HTT: variants seen among roughly 807,000 people sequenced by gnomAD.
HTT encodes huntingtin, also known as huntington disease protein.
A neutral mutation model predicts 362.3 loss-of-function variants in HTT; 104 were observed. The ratio of observed to expected loss-of-function variants is 0.29; its 90% confidence interval spans 0.24 to 0.34. The LOEUF is 0.34. Among genes scored for constraint, HTT ranks in the 10% least tolerant of loss-of-function variants. The pLI is 1.00. For missense variants in HTT, 3,301 were observed against 3,928.6 expected, an observed-to-expected ratio of 0.84 and a Z score of 4.27; for synonymous variants, 1,577 against 1,548.7, an observed-to-expected ratio of 1.02 and a Z score of -0.43.
chr4:3,145,869 A>T (rs1716573689), intron 24 of HTT, among the ~76,000 whole-genome samples: 1 of 152,194 alleles, frequency 6.6e-6, no homozygotes, highest in South Asian at 2.1e-4. Flanking sequence ...CTCTAGAATG[A>T]TTGCTTTCCC....
intron 33 of HTT, among the ~76,000 whole-genome samples, chr4:3,176,138 C>G (rs1278931862): frequency 6.6e-6 from 1 of 151,542 alleles, no homozygotes; most frequent in Non-Finnish European, 1.5e-5. Flanking sequence ...CGCCATTCTC[C>G]TGCCTCAGCC....
At chr4:3,115,944 C>T (rs748240614) in intron 7 of HTT, 141 bp from the exon 8 acceptor site, 2 of 754,404 alleles carry the variant, frequency 2.7e-6, no homozygotes, top group African/African-American at 1.7e-5. Context: ...TAGCCATTCC[C>T]AGTGGGCCTC....
intron 55 of HTT, 86 bp from the exon 56 acceptor site, chr4:3,223,906 G>A (rs1720790946): frequency 2.8e-6 from 4 of 1,443,438 alleles, no homozygotes; most frequent in Middle Eastern, 1.8e-4. Flanking sequence ...GTTCCTTTAG[G>A]CAAAGCGGAG....
At chr4:3,144,097 G>T (rs1390742058) in intron 23 of HTT, among the ~76,000 whole-genome samples, 1 of 152,140 alleles carries the variant, frequency 6.6e-6, no homozygotes, top group Non-Finnish European at 1.5e-5. Flanking sequence ...CCTGGTGGGG[G>T]TATAGTCGGA....
In HTT at chr4:3,243,648, C is replaced by G. The variant is rs1414066254; in HGVS notation, c.*3589C>G. ...TTGTTTCTAAGAGCAGAGTCTCCCG[C>G]TGCAATCTGGGTGGTAACTGCCAGC... On this transcript the variant is annotated 3_prime_UTR_variant, in exon 67 of 67. Transcript: ENST00000355072. 1.3e-5 allele frequency: 2 copies of G among 152,290 alleles called. No homozygotes were observed. The highest frequency in any genetic ancestry group is 2.9e-5 in the Non-Finnish European group (2 of 68,072). The allele number at this position is 152,290 out of a possible 1,614,324, so 9.4% of individuals were successfully genotyped here. A position where few individuals can be genotyped will look rare whatever the true frequency, so the allele number is the denominator to read the frequency against.
intron 59 of HTT, 103 bp downstream of exon 59, chr4:3,229,112 C>T (rs1044056233): frequency 4.0e-5 from 46 of 1,159,616 alleles, no homozygotes; most frequent in Non-Finnish European, 5.3e-5. Context: ...GCCACTTGCA[C>T]ACACACCCCT....
At chr4:3,109,591 C>T (rs771733968) in intron 6 of HTT, among the ~76,000 whole-genome samples, 1 of 151,982 alleles carries the variant, frequency 6.6e-6, no homozygotes, top group African/African-American at 2.4e-5. Flanking sequence ...CATTTTTTTA[C>T]TTTCACTATA....
rs1719868028 is a variant in HTT at position 3,206,657 on chromosome 4, T to A, written c.5880T>A (p.Arg1960=). The change falls in exon 43 of 67, where the codon CGT becomes CGA. Residue 1960 remains arginine (R), a synonymous_variant. Coordinates refer to ENST00000355072, the MANE Select transcript of HTT (RefSeq NM_001388492.1). The surrounding 1 kb of genome is among the most constrained non-coding windows in gnomAD (Gnocchi z 4.6). ...SGLFIQAIQS[R]CENLSTPTML... ...TGTTCATCCAGGCAATTCAGTCTCGTTGTGAAAACCTTTCAACTGTACGTC... is the reference window on the plus strand; with the variant it reads ...TGTTCATCCAGGCAATTCAGTCTCGATGTGAAAACCTTTCAACTGTACGTC... 5.0e-6 allele frequency: 8 copies of A among 1,614,224 alleles called. No homozygotes were observed. Among genetic ancestry groups the A allele is most frequent in the Non-Finnish European group, 6.8e-6 (8 of 1,180,038 alleles).
At chr4:3,148,239 A>G (rs904430394) in intron 26 of HTT, 32 bp downstream of exon 26, 3 of 1,458,926 alleles carry the variant, frequency 2.1e-6, no homozygotes, top group Non-Finnish European at 2.8e-6. Context: ...GGATTCATAC[A>G]GCCTTAATGA....
chr4:3,220,120 T>G, intron 52 of HTT, 62 bp from the exon 53 acceptor site: 1 of 1,591,874 alleles, frequency 6.3e-7, no homozygotes, highest in Non-Finnish European at 8.6e-7. Flanking sequence ...GCTTCCTGCT[T>G]CCTCACAGTA....
chr4:3,229,864 C>T, intron 59 of HTT, 23 bp from the exon 60 acceptor site: 3 of 1,612,960 alleles, frequency 1.9e-6, no homozygotes, highest in Non-Finnish European at 2.5e-6. Context: ...TCCCCTTGCC[C>T]TCCTGGTTTT....
intron 55 of HTT, among the ~76,000 whole-genome samples, 170 bp downstream of exon 55, chr4:3,223,730 G>A (rs1317201009): frequency 6.6e-6 from 1 of 152,202 alleles, no homozygotes; most frequent in African/African-American, 2.4e-5. Context: ...TGGCCTCCTG[G>A]TCAGTGAGAA....
At chr4:3,229,271 GCCACATGCACACACACT>G (rs1417884373) in intron 59 of HTT, among the ~76,000 whole-genome samples, 4 of 65,892 alleles carry the variant, frequency 6.1e-5, no homozygotes, top group African/African-American at 1.1e-4. Context: ...CCACACACAT[GCCACATGCACACACACT>G]CCACATGCAT....
At chr4:3,089,532 C>T (rs534262388) in intron 2 of HTT, among the ~76,000 whole-genome samples, 9 of 152,308 alleles carry the variant, frequency 5.9e-5, no homozygotes, top group African/African-American at 1.2e-4. Flanking sequence ...GGATTACAGG[C>T]GTGAGCCACT....
At chr4:3,159,530 C>A (rs1315802944) in intron 28 of HTT, among the ~76,000 whole-genome samples, 1 of 152,242 alleles carries the variant, frequency 6.6e-6, no homozygotes, top group East Asian at 1.9e-4. Flanking sequence ...TTAGGGCACA[C>A]CCAGGTTGAC....
intron 33 of HTT, among the ~76,000 whole-genome samples, chr4:3,175,853 A>G (rs1485474910): frequency 6.6e-6 from 1 of 152,158 alleles, no homozygotes; most frequent in African/African-American, 2.4e-5. Context: ...GTGAGTTAGA[A>G]ATATTACACT....
In HTT at chr4:3,209,980, C is replaced by T. The variant is rs776323220; in HGVS notation, c.6414+31C>T. 37 of 1,608,000 alleles carry T rather than the reference C, an allele frequency of 2.3e-5. 1 individual carries two copies. The East Asian group carries it at 6.9e-4, about 30-fold the overall frequency. On this transcript the variant is annotated intron_variant, in intron 47 of 66. Transcript: ENST00000355072. ...GGGGGAGCAGTGGAGGCAAGGAATCCTCAGCTTTTCTTGTGACTTCCAAGT... is the reference window on the plus strand; with the variant it reads ...GGGGGAGCAGTGGAGGCAAGGAATCTTCAGCTTTTCTTGTGACTTCCAAGT...
At chr4:3,178,803 A>G (rs1718364211) in intron 35 of HTT, among the ~76,000 whole-genome samples, 1 of 152,204 alleles carries the variant, frequency 6.6e-6, no homozygotes. Flanking sequence ...AAAAATTCTT[A>G]AATCGAACTT....
chr4:3,177,916 C>T (rs1718310907), intron 34 of HTT, among the ~76,000 whole-genome samples: 1 of 152,086 alleles, frequency 6.6e-6, no homozygotes, highest in Admixed American at 6.5e-5. Flanking sequence ...CCCAGATTCC[C>T]TGGGGTCTGG....
Sources: allele counts gnomAD v4.1 joint callset (sites outside exome capture counted in the v4.1 genomes callset), GRCh38; gene constraint gnomAD v4.1.1; non-coding constraint Gnocchi (gnomAD v3.1); transcripts MANE v1.5; gene names NCBI Gene and HGNC (gene_info 2026-07-23, HGNC 2026-07-21).